ZNF326: variants seen among roughly 807,000 people sequenced by gnomAD.
ZNF326 encodes zinc finger protein 326.
Under a neutral mutation model 63.1 loss-of-function variants are expected in ZNF326, and 30 were observed. That is an observed-to-expected ratio of 0.48 (90% confidence interval 0.36 to 0.64). The LOEUF (loss-of-function observed/expected upper bound fraction) is 0.64, where lower values mean the gene tolerates loss of function less well. Among genes scored for constraint, ZNF326 ranks in the 30% least tolerant of loss-of-function variants. The pLI, the probability that ZNF326 is intolerant of heterozygous loss-of-function variation, is 0.00. For synonymous variants in ZNF326, 194 were observed against 228.2 expected (o/e 0.85, Z 1.35); for missense variants, 609 against 720.3 (o/e 0.85, Z 1.77).
In ZNF326 at chr1:90,027,793, C is replaced by T; in HGVS notation, c.*92C>T. The T allele has an allele frequency of 8.3e-7, 1 of 1,205,714 alleles. No individual in the cohort carries two copies. Among genetic ancestry groups the T allele is most frequent in the Non-Finnish European group, 1.2e-6 (1 of 840,996 alleles). The allele number at this position is 1,205,714 out of a possible 1,614,324, so 74.7% of individuals were successfully genotyped here. On this transcript the variant is annotated 3_prime_UTR_variant, in exon 12 of 12. Transcript: ENST00000340281. ...TAATAGCTTAAAATATGAATTAACA[C>T]CCATGTTGCATGCATTCCACATATT...
chr1:89,999,951 T>C (rs1454575098), intron 2 of ZNF326, among the ~76,000 whole-genome samples: 1 of 152,160 alleles, frequency 6.6e-6, no homozygotes, highest in Non-Finnish European at 1.5e-5. Flanking sequence ...TAAGAAATAA[T>C]ATATATGTCA....
At chr1:90,003,467 C>G (rs1648800027) in intron 2 of ZNF326, among the ~76,000 whole-genome samples, 1 of 152,124 alleles carries the variant, frequency 6.6e-6, no homozygotes, top group African/African-American at 2.4e-5. Flanking sequence ...ACCTTTACCA[C>G]AGGACTAGTA....
intron 11 of ZNF326, among the ~76,000 whole-genome samples, chr1:90,025,200 A>G (rs1649957834): frequency 6.6e-6 from 1 of 152,062 alleles, no homozygotes; most frequent in South Asian, 2.1e-4. Context: ...AATGTGTTCA[A>G]TCACCCGTGA....
intron 1 of ZNF326, among the ~76,000 whole-genome samples, chr1:89,996,998 C>G (rs943360362): frequency 3.9e-5 from 6 of 152,174 alleles, no homozygotes; most frequent in African/African-American, 1.4e-4. Context: ...TGTAGTATGT[C>G]TGCTTTCTGT....
chr1:90,002,952 A>C (rs1316189396), intron 2 of ZNF326, among the ~76,000 whole-genome samples: 1 of 152,188 alleles, frequency 6.6e-6, no homozygotes, highest in African/African-American at 2.4e-5. Flanking sequence ...AAAAAATCAT[A>C]TTCAGTGATA....
rs1650416364 is a variant in ZNF326, at chr1:90,034,743, A to G, written c.*7042A>G. The G allele has an allele frequency of 6.6e-6, 1 of 152,194 alleles. No homozygotes were observed. The highest frequency in any genetic ancestry group is 2.1e-4 in the South Asian group (1 of 4,832). 9.4% of individuals were successfully genotyped at this position (152,194 alleles called of 1,614,324 possible). On this transcript the variant is annotated 3_prime_UTR_variant, in exon 12 of 12. Coordinates refer to ENST00000340281, the MANE Select transcript of ZNF326 (RefSeq NM_182976.4). ...ATTTAAGCAGTTCTAGATTATACAA[A>G]ATGTTGAAACATCTCAATTTGGTCT...
chr1:90,028,724 T>C lies in ZNF326; in HGVS notation c.*1023T>C, dbSNP rs546119354. 6.6e-6 allele frequency: 1 copy of C among 152,260 alleles called. No homozygotes were observed. The highest frequency in any genetic ancestry group is 2.1e-4 in the South Asian group (1 of 4,832). 9.4% of individuals were successfully genotyped at this position (152,260 alleles called of 1,614,324 possible). A position where few individuals can be genotyped will look rare whatever the true frequency, so the allele number is the denominator to read the frequency against. On this transcript the variant is annotated 3_prime_UTR_variant, in exon 12 of 12. Transcript: ENST00000340281. The stretch of plus-strand genomic sequence containing the variant: ...GCTTGATAGAGGATCTATTCTTAAA[T>C]AATTTATTTTCAAACAACCGTCTAT...
chr1:90,006,475 G>C, intron 4 of ZNF326: 1 of 985,368 alleles, frequency 1.0e-6, no homozygotes, highest in East Asian at 1.1e-4. Flanking sequence ...CTTTGGGTTT[G>C]TGAGAAGGAA....
chr1:90,012,237 G>A (rs1649287526), intron 6 of ZNF326, among the ~76,000 whole-genome samples: 1 of 152,204 alleles, frequency 6.6e-6, no homozygotes, highest in Admixed American at 6.5e-5. Context: ...TTTAAAAAAT[G>A]TGGGTTATTC....
chr1:90,027,464 TGAG>T lies in ZNF326; in HGVS notation c.1515_1517del (p.Glu508del), dbSNP rs762166777. 334 of 1,611,794 alleles carry T rather than the reference TGAG, an allele frequency of 2.1e-4. No homozygotes were observed. The highest frequency in any genetic ancestry group is 2.3e-4 in the Non-Finnish European group (277 of 1,179,274). ...CTATTGAAGAAGAGGAGGATGAAGA[TGAG>T]GAAGAAGAAGCAGAGGAAGTGGGGG... On this transcript the variant is annotated inframe_deletion, in exon 12 of 12. Coordinates refer to ENST00000340281, the MANE Select transcript of ZNF326 (RefSeq NM_182976.4).
rs371240745 is a variant in ZNF326 at position 89,998,067 on chromosome 1, C to A, written c.17-43C>A. ...ATCGGCATATAATTTTGAATTATTG[C>A]TAATATCACACTAATTCCTTTTTGT... On this transcript the variant is annotated intron_variant, in intron 1 of 11. Coordinates refer to ENST00000340281, the MANE Select transcript of ZNF326 (RefSeq NM_182976.4). 38 of 1,552,746 alleles carry A rather than the reference C, an allele frequency of 2.4e-5. No homozygotes were observed. In the East Asian group the frequency reaches 2.7e-4, roughly 11 times the overall value.
chr1:90,028,009 A>G lies in ZNF326; in HGVS notation c.*308A>G, dbSNP rs189814304. On this transcript the variant is annotated 3_prime_UTR_variant, in exon 12 of 12. Coordinates refer to ENST00000340281, the MANE Select transcript of ZNF326 (RefSeq NM_182976.4). ...TGTGTATTGTTAGTATATCTATTCT[A>G]ATCATTTTATCTTAAATGCTGCTCT... 6 of 282,412 alleles carry G rather than the reference A, an allele frequency of 2.1e-5. No homozygotes were observed. The East Asian group carries it at 5.4e-4, about 25-fold the overall frequency. The allele number at this position is 282,412 out of a possible 1,614,324, so 17.5% of individuals were successfully genotyped here.
intron 11 of ZNF326, among the ~76,000 whole-genome samples, chr1:90,026,767 C>T (rs1351230302): frequency 6.6e-6 from 1 of 152,146 alleles, no homozygotes; most frequent in African/African-American, 2.4e-5. Flanking sequence ...TTTCTTACTA[C>T]ATTAATATAG....
At chr1:90,004,559 A>G (rs1472743332) in intron 2 of ZNF326, among the ~76,000 whole-genome samples, 1 of 152,162 alleles carries the variant, frequency 6.6e-6, no homozygotes, top group East Asian at 1.9e-4. Context: ...TAAATTGAAA[A>G]TAATTCTGTG....
intron 4 of ZNF326, chr1:90,006,432 T>C: frequency 1.0e-6 from 1 of 985,410 alleles, no homozygotes; most frequent in Non-Finnish European, 1.2e-6. Flanking sequence ...TAAAATTGTG[T>C]TGTAAGATAT....
Position 90,027,687 on chromosome 1 carries a change from C to T in ZNF326, c.1735C>T (p.Pro579Ser), listed in dbSNP as rs918163871. ...ACCTGCTGACTTCCCTGTTGAGCAA[C>T]CTGAAGAAAATTAAATATAAGGTAT... The part of the protein sequence containing the change: ...EEPADFPVEQ[P>S]EEN The change falls in exon 12 of 12, where the codon CCT (proline) becomes TCT (serine). Residue 579 changes from proline (P) to serine (S), a missense_variant. Physicochemically the swap from Pro to Ser is moderately conservative, Grantham distance 74 (BLOSUM62 -1). Coordinates refer to ENST00000340281, the MANE Select transcript of ZNF326 (RefSeq NM_182976.4). The T allele has an allele frequency of 2.2e-5, 36 of 1,613,462 alleles. No homozygotes were observed. The highest frequency in any genetic ancestry group is 2.9e-5 in the Non-Finnish European group (34 of 1,179,880).
chr1:90,015,776 G>A (rs959784261), intron 7 of ZNF326, among the ~76,000 whole-genome samples: 3 of 152,182 alleles, frequency 2.0e-5, no homozygotes, highest in South Asian at 2.1e-4. Context: ...GGTTACAGGA[G>A]GAGTTGTGAG....
chr1:89,996,078 G>C (rs1208696657), intron 1 of ZNF326, among the ~76,000 whole-genome samples: 1 of 152,170 alleles, frequency 6.6e-6, no homozygotes, highest in Non-Finnish European at 1.5e-5. Flanking sequence ...CTTTTCAGTT[G>C]TCTCAGATAC....
In ZNF326 at chr1:89,995,150, C is replaced by G. The variant is rs904816149; in HGVS notation, c.-108C>G. The G allele has an allele frequency of 3.7e-6, 5 of 1,368,178 alleles. No individual in the cohort carries two copies. Among genetic ancestry groups the G allele is most frequent in the Non-Finnish European group, 4.9e-6 (5 of 1,012,756 alleles). The allele number at this position is 1,368,178 out of a possible 1,614,324, so 84.8% of individuals were successfully genotyped here. On this transcript the variant is annotated 5_prime_UTR_variant, in exon 1 of 12. Transcript: ENST00000340281. ...TGCGGCTCCCGGGCTGGTAGCGCGC[C>G]GCTCTCGGTCGCGCGGAGTGATCGT...
Sources: gnomAD v4.1 joint callset for allele counts (sites outside exome capture counted in the v4.1 genomes callset) on GRCh38, gnomAD v4.1.1 for gene constraint, MANE v1.5 for transcripts, NCBI Gene and HGNC (gene_info 2026-07-23, HGNC 2026-07-21) for gene names.